The following ZNF532 variants were observed in gnomAD, a reference collection of about 807,000 sequenced individuals.
ZNF532 encodes the protein zinc finger protein 532.
In ZNF532, 22 loss-of-function variants were observed where a neutral mutation model predicts 89.3. That is an observed-to-expected ratio of 0.25 (90% CI 0.18 to 0.35). ZNF532 has a LOEUF of 0.35. Ranked by LOEUF, ZNF532 falls within the 10% of genes least tolerant of loss-of-function variation. The probability of loss-of-function intolerance (pLI) is 1.00; values close to 1 mark genes in which losing one functional copy is unlikely to be tolerated. For missense variants in ZNF532, 1,132 were observed against 1,643.4 expected (o/e 0.69, Z 5.38); for synonymous variants, 606 against 649.6 (o/e 0.93, Z 1.02).
chr18:58,946,334 C>T (rs1231058855), intron 5 of ZNF532, among the ~76,000 whole-genome samples: 1 of 150,314 alleles, frequency 6.7e-6, no homozygotes, highest in Non-Finnish European at 1.5e-5. Flanking sequence ...GCTCTGTTGC[C>T]CAGGCTGGCG....
Position 58,918,531 on chromosome 18 carries a change from C to T in ZNF532, c.244C>T (p.His82Tyr). Reference sequence around the variant, plus strand: ...TTCCGAGGGCGGGGAGAAAGACGGCCACAACCCCACTGGCAATGGCTTACA... The same window carrying T: ...TTCCGAGGGCGGGGAGAAAGACGGCTACAACCCCACTGGCAATGGCTTACA... ...DSSEGGEKDG[H>Y]NPTGNGLHNG... The change falls in exon 3 of 10, where the codon CAC becomes TAC. Residue 82 changes from histidine to tyrosine, a missense_variant. His to Tyr is a moderately conservative substitution (Grantham distance 83). Transcript: ENST00000591808. The T allele has an allele frequency of 6.2e-7, 1 of 1,614,170 alleles. No individual in the cohort carries two copies. The highest frequency in any genetic ancestry group is 8.5e-7 in the Non-Finnish European group (1 of 1,180,038).
Position 58,919,546 on chromosome 18 carries a change from C to G in ZNF532, c.1259C>G (p.Pro420Arg), listed in dbSNP as rs545827499. 1.7e-5 allele frequency: 27 copies of G among 1,614,194 alleles called. No homozygotes were observed. The highest frequency in any genetic ancestry group is 1.6e-4 in the Middle Eastern group (1 of 6,062). The part of the protein sequence containing the change: ...PASAAVLSSP[P>R]RAPLQSAVVT... ...TCAGCCGCCGTCCTTTCCTCTCCCCCCAGGGCGCCTCTCCAGTCTGCGGTC... is the reference window on the plus strand; with the variant it reads ...TCAGCCGCCGTCCTTTCCTCTCCCCGCAGGGCGCCTCTCCAGTCTGCGGTC... Residue 420 changes from proline to arginine, a missense_variant, in exon 3 of 10, where the codon CCC (proline) becomes CGC (arginine). By Grantham distance (103) the Pro-to-Arg change is moderately radical. Around this residue, in one of 9 missense-constraint regions of ZNF532, gnomAD observed 124 missense variants for 191.6 expected, o/e 0.65. Coordinates refer to ENST00000591808, the MANE Select transcript of ZNF532 (RefSeq NM_001375912.1). This position sits in a 1 kb window ranked among gnomAD's most constrained non-coding sequence, Gnocchi z 6.1.
At chr18:58,934,945 A>C (rs1329525488) in intron 4 of ZNF532, among the ~76,000 whole-genome samples, 1 of 152,156 alleles carries the variant, frequency 6.6e-6, no homozygotes, top group East Asian at 1.9e-4. Flanking sequence ...TAACCCCTGC[A>C]AGAAAACTAT....
chr18:58,879,636 G>T (rs2144879658), intron 2 of ZNF532, among the ~76,000 whole-genome samples: 1 of 152,244 alleles, frequency 6.6e-6, no homozygotes, highest in Admixed American at 6.5e-5. Context: ...TGAGCCACCT[G>T]CCCCAGCCTC....
chr18:58,976,396 G>T (rs1568463295), intron 7 of ZNF532, among the ~76,000 whole-genome samples: 1 of 152,166 alleles, frequency 6.6e-6, no homozygotes, highest in African/African-American at 2.4e-5. Flanking sequence ...AGAAGAAATA[G>T]AATATTAAAC....
chr18:58,922,825 T>G (rs1280802213), intron 3 of ZNF532, among the ~76,000 whole-genome samples: 1 of 152,200 alleles, frequency 6.6e-6, no homozygotes, highest in Non-Finnish European at 1.5e-5. Flanking sequence ...TGTGTCTGTC[T>G]GAGACCTCCT....
At chr18:58,956,245 GGA>G (rs2147097719) in intron 7 of ZNF532, among the ~76,000 whole-genome samples, 1 of 152,314 alleles carries the variant, frequency 6.6e-6, no homozygotes, top group East Asian at 1.9e-4. Context: ...TGGTTTTGAT[GGA>G]GATGTTCATC....
At chr18:58,888,775 A>ATATATATAAAT (rs74209908) in intron 2 of ZNF532, among the ~76,000 whole-genome samples, 1 of 55,736 alleles carries the variant, frequency 1.8e-5, no homozygotes, top group Non-Finnish European at 2.8e-5. Flanking sequence ...TATATAATTT[A>ATATATATAAAT]TATATATATA....
At chr18:58,892,942 A>G (rs1483357272) in intron 2 of ZNF532, among the ~76,000 whole-genome samples, 1 of 150,980 alleles carries the variant, frequency 6.6e-6, no homozygotes, top group African/African-American at 2.4e-5. Context: ...CAAGTCAGTT[A>G]CTCCAGATTA....
chr18:58,920,287 G>T lies in ZNF532; in HGVS notation c.2000G>T (p.Gly667Val), dbSNP rs1344636102. 5 of 1,613,834 alleles carry T rather than the reference G, an allele frequency of 3.1e-6. No homozygotes were observed. In the East Asian group the frequency reaches 1.1e-4, roughly 36 times the overall value. Residue 667 changes from glycine (G) to valine (V), a missense_variant, in exon 3 of 10, where the codon GGG becomes GTG. By Grantham distance (109) the Gly-to-Val change is moderately radical (BLOSUM62 -3). Coordinates refer to ENST00000591808, the MANE Select transcript of ZNF532 (RefSeq NM_001375912.1). ...TGCAGCCTCCTTTCCCATGCCCGTG[G>T]GCATAAGGAGAAAGGGGTGGTAATG... ...NKCSLLSHARGHKEKGVVMQC... is the reference protein window; with the variant it reads ...NKCSLLSHARVHKEKGVVMQC...
rs1039199438 is a variant in ZNF532 at position 58,985,222 on chromosome 18, A to G, written c.*756A>G. The G allele has an allele frequency of 2.6e-5, 4 of 152,242 alleles. No homozygotes were observed. Among genetic ancestry groups the G allele is most frequent in the Admixed American group, 2.0e-4 (3 of 15,284 alleles). 9.4% of individuals were successfully genotyped at this position (152,242 alleles called of 1,614,324 possible). A position where few individuals can be genotyped will look rare whatever the true frequency, so the allele number is the denominator to read the frequency against. ...AAAATGGGATTTGTTTTCTCGGCAGATCTGCAAGGCTGGCTTTAAGAGCAC... is the reference window on the plus strand; with the variant it reads ...AAAATGGGATTTGTTTTCTCGGCAGGTCTGCAAGGCTGGCTTTAAGAGCAC... On this transcript the variant is annotated 3_prime_UTR_variant, in exon 10 of 10. Coordinates refer to ENST00000591808, the MANE Select transcript of ZNF532 (RefSeq NM_001375912.1).
At chr18:58,945,731 ATT>A (rs1555742692) in intron 5 of ZNF532, among the ~76,000 whole-genome samples, 4 of 145,080 alleles carry the variant, frequency 2.8e-5, no homozygotes, top group Admixed American at 6.9e-5. Flanking sequence ...TTATTTATTT[ATT>A]TTTTTTTTTT....
intron 3 of ZNF532, among the ~76,000 whole-genome samples, chr18:58,928,115 T>C (rs2061673809): frequency 6.6e-6 from 1 of 152,210 alleles, no homozygotes. Context: ...CCTCTGTTTA[T>C]GTTTTGAACA....
rs928074525 is a variant in ZNF532, at chr18:58,969,974, T to G, written c.3151-9081T>G. ...ATCTCAGCTCACTGCAACCTCCCACTCTGGGTTCAAGCGATTCTCCTGCCT... is the reference window on the plus strand; with the variant it reads ...ATCTCAGCTCACTGCAACCTCCCACGCTGGGTTCAAGCGATTCTCCTGCCT... On this transcript the variant is annotated intron_variant, in intron 7 of 9. Transcript: ENST00000591808. Among the ~76,000 whole-genome samples the G allele has an allele frequency of 4.3e-5, 6 of 138,220 alleles. No individual in the cohort carries two copies. The East Asian group carries it at 1.5e-3, about 34-fold the overall frequency. The allele number at this position is 138,220 out of a possible 152,430, so 90.7% of individuals were successfully genotyped here.
chr18:58,908,127 A>T (rs1427356626), intron 2 of ZNF532, among the ~76,000 whole-genome samples: 1 of 152,196 alleles, frequency 6.6e-6, no homozygotes, highest in Non-Finnish European at 1.5e-5. Flanking sequence ...CTCCCTCTAA[A>T]TATCAGTAGC....
At chr18:58,894,875 C>A (rs374460111) in intron 2 of ZNF532, among the ~76,000 whole-genome samples, 4 of 152,262 alleles carry the variant, frequency 2.6e-5, no homozygotes, top group South Asian at 2.1e-4. Flanking sequence ...GGCCTGTAGT[C>A]CCAGCACATG....
At chr18:58,897,050 GT>G (rs982816637) in intron 2 of ZNF532, among the ~76,000 whole-genome samples, 1 of 152,124 alleles carries the variant, frequency 6.6e-6, no homozygotes, top group African/African-American at 2.4e-5. Context: ...TTCTCTTTCT[GT>G]TTTTTCCCCC....
At chr18:58,980,133 T>G (rs1406085339) in intron 8 of ZNF532, 1 of 152,226 alleles carries the variant, frequency 6.6e-6, no homozygotes. Context: ...AGGAGACTTA[T>G]GAAGGTTGGC....
intron 2 of ZNF532, among the ~76,000 whole-genome samples, chr18:58,888,858 A>ATAATATATATAATT (rs2058639654): frequency 7.3e-5 from 3 of 41,366 alleles, no homozygotes; most frequent in Non-Finnish European, 3.8e-5. Flanking sequence ...TATATAATTT[A>ATAATATATATAATT]TATATATATA....
Sources: gnomAD v4.1 joint callset for allele counts (sites outside exome capture counted in the v4.1 genomes callset) on GRCh38, gnomAD v4.1.1 for gene constraint, gnomAD v4.1.1 regional missense constraint, Gnocchi (gnomAD v3.1) non-coding constraint, MANE v1.5 for transcripts, NCBI Gene and HGNC (gene_info 2026-07-23, HGNC 2026-07-21) for gene names.